The following MSS51 variants were observed in gnomAD, a reference collection of about 807,000 sequenced individuals.
The protein encoded by MSS51 is MSS51 mitochondrial translational activator.
Under a neutral mutation model 40.2 loss-of-function variants are expected in MSS51, and 32 were observed. The observed-to-expected ratio is 0.80, with a 90% confidence interval of 0.60 to 1.07. MSS51 has a LOEUF of 1.07. MSS51 is among the 50% of genes least tolerant of loss of function. MSS51 has a pLI of 0.00. For missense variants in MSS51, 518 were observed against 568.9 expected (o/e 0.91, Z 0.91); for synonymous variants, 178 against 214.2 (o/e 0.83, Z 1.48).
At position 73,428,117 on chromosome 10, in the gene MSS51, G is replaced by A. The variant is rs780547626; in HGVS notation, c.168C>T (p.Gly56=). Residue 56 remains glycine (G), a synonymous_variant, in exon 2 of 7, where the codon GGC becomes GGT. Transcript: ENST00000299432. ...GFFSLDDNVP[G]LSQLILQKLN... is the part of the protein sequence containing the mutation. ...GCTTTTGAAGGATCAGCTGCGATAG[G>A]CCAGGAACATTATCATCCAAGGAGA... The A allele has an allele frequency of 8.1e-6, 13 of 1,614,050 alleles. No individual in the cohort carries two copies. The South Asian group carries it at 1.4e-4, about 18-fold the overall frequency.
In MSS51 at chr10:73,423,776, C is replaced by T. The variant is rs2055961266; in HGVS notation, c.*777G>A. 1 of 152,174 alleles carries T rather than the reference C, an allele frequency of 6.6e-6. No homozygotes were observed. The highest frequency in any genetic ancestry group is 2.4e-5 in the African/African-American group (1 of 41,438). 9.4% of individuals were successfully genotyped at this position (152,174 alleles called of 1,614,324 possible). On this transcript the variant is annotated 3_prime_UTR_variant, in exon 7 of 7. Transcript: ENST00000299432. ...AAAGTCAGGAAACAGGACACTGTAC[C>T]AATGCTTACAACCTCATCCATGTTC... is the stretch of plus-strand genomic sequence containing the variant.
At position 73,426,390 on chromosome 10, in the gene MSS51, A is replaced by G; in HGVS notation, c.503-13T>C. 6.3e-7 allele frequency: 1 copy of G among 1,598,566 alleles called. No individual in the cohort carries two copies. On this transcript the variant is annotated splice_polypyrimidine_tract_variant and intron_variant, in intron 4 of 6. Coordinates refer to ENST00000299432, the MANE Select transcript of MSS51 (RefSeq NM_001024593.2). ...AGAACAAAATCACCTGTAGGAAAGAAGAAATAAGAAGTAACCTAATGCTTT... is the reference window on the plus strand; with the variant it reads ...AGAACAAAATCACCTGTAGGAAAGAGGAAATAAGAAGTAACCTAATGCTTT...
At position 73,425,802 on chromosome 10, in the gene MSS51, G is replaced by C; in HGVS notation, c.1069+9C>G. On this transcript the variant is annotated intron_variant, in intron 5 of 6. Coordinates refer to ENST00000299432, the MANE Select transcript of MSS51 (RefSeq NM_001024593.2). ...CCACCCTCTATTCCCCTGAACCAAT[G>C]ACTCTTACCTGGATGGAATGCCGCC... 1 of 1,604,008 alleles carries C rather than the reference G, an allele frequency of 6.2e-7. No homozygotes were observed. Among genetic ancestry groups the C allele is most frequent in the Non-Finnish European group, 8.5e-7 (1 of 1,174,042 alleles).
At chr10:73,432,069 C>T (rs531546967) in intron 1 of MSS51, among the ~76,000 whole-genome samples, 17 of 152,314 alleles carry the variant, frequency 1.1e-4, no homozygotes, top group African/African-American at 3.6e-4. Context: ...GACAGAGTCT[C>T]ACTCTGTCAC....
At chr10:73,433,320 G>C (rs1363671416) in intron 1 of MSS51, among the ~76,000 whole-genome samples, 193 bp downstream of exon 1, 1 of 152,136 alleles carries the variant, frequency 6.6e-6, no homozygotes, top group Non-Finnish European at 1.5e-5. Context: ...GAGGTAGGGA[G>C]AAGGAAGACT....
In MSS51 at chr10:73,426,246, T is replaced by A; in HGVS notation, c.634A>T (p.Thr212Ser). Residue 212 changes from threonine to serine, a missense_variant, in exon 5 of 7, where the codon ACC (threonine) becomes TCC (serine). By Grantham distance (58) the Thr-to-Ser change is moderately conservative. Coordinates refer to ENST00000299432, the MANE Select transcript of MSS51 (RefSeq NM_001024593.2). ...CGTCCTACACTGGCCCATAAGGTGG[T>A]CACAGCATGACTAACTAGCACAGCA... Reference protein sequence around the residue: ...LDAVLVSHAVTTLWASVGRPR... With the variant: ...LDAVLVSHAVSTLWASVGRPR... The A allele has an allele frequency of 6.2e-7, 1 of 1,613,606 alleles. No individual in the cohort carries two copies. The highest frequency in any genetic ancestry group is 8.5e-7 in the Non-Finnish European group (1 of 1,180,032).
At chr10:73,432,899 A>G (rs1268436624) in intron 1 of MSS51, among the ~76,000 whole-genome samples, 1 of 152,194 alleles carries the variant, frequency 6.6e-6, no homozygotes, top group Admixed American at 6.5e-5. Context: ...ACTGAGAGAA[A>G]CAAAGGAAAA....
chr10:73,423,908 A>C lies in MSS51; in HGVS notation c.*645T>G, dbSNP rs1386962285. ...TGAGAAGAAAGTCTTTTTCAGAAGA[A>C]TAAGGTGGTTCTCATTCTTTTTCTC... On this transcript the variant is annotated 3_prime_UTR_variant, in exon 7 of 7. Coordinates refer to ENST00000299432, the MANE Select transcript of MSS51 (RefSeq NM_001024593.2). The C allele has an allele frequency of 6.6e-6, 1 of 152,330 alleles. No individual in the cohort carries two copies. Among genetic ancestry groups the C allele is most frequent in the African/African-American group, 2.4e-5 (1 of 41,458 alleles). The allele number at this position is 152,330 out of a possible 1,614,324, so 9.4% of individuals were successfully genotyped here.
chr10:73,431,385 A>G (rs980300014), intron 1 of MSS51, among the ~76,000 whole-genome samples: 2 of 152,232 alleles, frequency 1.3e-5, no homozygotes, highest in Admixed American at 6.5e-5. Context: ...GTACAGAGAA[A>G]TAACAGAGGA....
intron 1 of MSS51, among the ~76,000 whole-genome samples, chr10:73,428,996 G>A (rs28504461): frequency 0.021 from 3,156 of 151,656 alleles, 102 homozygotes; most frequent in African/African-American, 0.07. Flanking sequence ...CCTGAGGTCA[G>A]GAGTTCAAGA....
intron 6 of MSS51, 42 bp from the exon 7 acceptor site, chr10:73,424,814 C>CAG (rs2055969931): frequency 6.5e-7 from 1 of 1,533,894 alleles, no homozygotes; most frequent in Non-Finnish European, 9.0e-7. Flanking sequence ...CTGATTGTGA[C>CAG]AGAGATAAAG....
At chr10:73,429,317 C>G (rs532435644) in intron 1 of MSS51, among the ~76,000 whole-genome samples, 23 of 152,102 alleles carry the variant, frequency 1.5e-4, no homozygotes, top group Non-Finnish European at 2.6e-4. Flanking sequence ...TAATGTTTGA[C>G]TTTTTTAATA....
At chr10:73,431,714 C>T (rs1163589439) in intron 1 of MSS51, among the ~76,000 whole-genome samples, 1 of 152,192 alleles carries the variant, frequency 6.6e-6, no homozygotes, top group African/African-American at 2.4e-5. Flanking sequence ...AATGTCTCCC[C>T]TTATCCCATG....
chr10:73,427,939 A>C (rs1589674975), intron 2 of MSS51, 125 bp downstream of exon 2: 2 of 1,211,826 alleles, frequency 1.7e-6, no homozygotes, highest in African/African-American at 3.1e-5. Context: ...AGTAACTGGC[A>C]AAAGGATGAG....
At chr10:73,428,634 C>T (rs913105539) in intron 1 of MSS51, among the ~76,000 whole-genome samples, 3 of 151,770 alleles carry the variant, frequency 2.0e-5, no homozygotes, top group South Asian at 2.1e-4. Flanking sequence ...TACGGGCAGG[C>T]GCCACCAGGC....
intron 1 of MSS51, among the ~76,000 whole-genome samples, chr10:73,431,334 T>C (rs57360214): frequency 0.05 from 7,544 of 152,242 alleles, 572 homozygotes; most frequent in African/African-American, 0.16. Context: ...TTCATAGAGA[T>C]TGAGAGGCTA....
At chr10:73,426,798 CTGA>C in intron 3 of MSS51, 67 bp from the exon 4 acceptor site, 7 of 1,557,650 alleles carry the variant, frequency 4.5e-6, no homozygotes, top group Non-Finnish European at 5.3e-6. Flanking sequence ...AGGAAAGGAA[CTGA>C]TATTCCTGCA....
intron 3 of MSS51, 114 bp downstream of exon 3, chr10:73,427,497 CAT>C: frequency 8.8e-7 from 1 of 1,139,808 alleles, no homozygotes. Context: ...AGGTTGGCCT[CAT>C]GTGATCCACC....
At chr10:73,432,121 C>T (rs2056033441) in intron 1 of MSS51, among the ~76,000 whole-genome samples, 1 of 152,330 alleles carries the variant, frequency 6.6e-6, no homozygotes, top group Admixed American at 6.5e-5. Flanking sequence ...TCACTGCAAC[C>T]TCCACCTCCC....
Sources: gnomAD v4.1 joint callset for allele counts (sites outside exome capture counted in the v4.1 genomes callset) on GRCh38, gnomAD v4.1.1 for gene constraint, MANE v1.5 for transcripts, NCBI Gene and HGNC (gene_info 2026-07-23, HGNC 2026-07-21) for gene names.